RBFOX1: variants seen among roughly 807,000 people sequenced by gnomAD.
The protein encoded by RBFOX1 is RNA binding fox-1 homolog 1, also known as RNA binding protein fox-1 homolog 1.
Under a neutral mutation model 57.7 loss-of-function variants are expected in RBFOX1, and 8 were observed. That is an observed-to-expected ratio of 0.14 (90% CI 0.08 to 0.25). RBFOX1 has a LOEUF of 0.25. Ranked by LOEUF, RBFOX1 falls within the 10% of genes least tolerant of loss-of-function variation. The pLI is 1.00. For synonymous variants in RBFOX1, 326 were observed against 222.4 expected, an observed-to-expected ratio of 1.47 and a Z score of -4.15; for missense variants, 611 against 548.5, an observed-to-expected ratio of 1.11 and a Z score of -1.14.
chr16:7,236,378 A>G (rs2093766345), intron 4 of RBFOX1, among the ~76,000 whole-genome samples: 1 of 152,160 alleles, frequency 6.6e-6, no homozygotes, highest in Admixed American at 6.5e-5. Context: ...TATTTTGTCT[A>G]GAGGGGCGTA....
intron 10 of RBFOX1, among the ~76,000 whole-genome samples, chr16:7,630,176 C>G (rs567503402): frequency 2.5e-4 from 38 of 152,066 alleles, no homozygotes; most frequent in Non-Finnish European, 5.1e-4. Flanking sequence ...TATATTTACC[C>G]CTGTTTTCCA....
chr16:6,817,026 G>A (rs964763123), intron 3 of RBFOX1, among the ~76,000 whole-genome samples: 6 of 152,112 alleles, frequency 3.9e-5, no homozygotes, highest in Non-Finnish European at 2.9e-5. Context: ...GAGATGGCAG[G>A]TGCGAGTCAC....
intron 1 of RBFOX1, among the ~76,000 whole-genome samples, chr16:5,316,709 C>G (rs925028652): frequency 6.6e-5 from 10 of 152,172 alleles, no homozygotes; most frequent in African/African-American, 2.4e-4. Context: ...TATTCTAAAC[C>G]ATTGCATTAA....
intron 1 of RBFOX1, among the ~76,000 whole-genome samples, chr16:5,422,831 GGGAGGAGCAGAGAGAAGGAGGAGAAA>G (rs1454175818): frequency 7.2e-6 from 1 of 139,008 alleles, no homozygotes; most frequent in East Asian, 2.3e-4. Context: ...GGGAGGAGGA[GGGAGGAGCAGAGAGAAGGAGGAGAAA>G]GGAGGAGCAG....
chr16:7,630,422 G>C (rs956712262), intron 10 of RBFOX1, among the ~76,000 whole-genome samples, 181 bp from the exon 11 acceptor site: 2 of 151,934 alleles, frequency 1.3e-5, no homozygotes, highest in African/African-American at 2.4e-5. Context: ...TGTGGTGGGT[G>C]GGGGGGCTTC....
chr16:5,565,837 G>C (rs2046048194), intron 2 of RBFOX1, among the ~76,000 whole-genome samples: 1 of 151,922 alleles, frequency 6.6e-6, no homozygotes, highest in Non-Finnish European at 1.5e-5. Flanking sequence ...AGGGTAGGTG[G>C]GTGATATGGT....
intron 1 of RBFOX1, among the ~76,000 whole-genome samples, chr16:5,344,633 A>G (rs971708345): frequency 6.6e-6 from 1 of 152,170 alleles, no homozygotes; most frequent in Non-Finnish European, 1.5e-5. Context: ...ACATCCTGAC[A>G]GTAGTTTGTG....
chr16:5,980,777 G>A (rs2152309856), intron 4 of RBFOX1, among the ~76,000 whole-genome samples: 2 of 152,240 alleles, frequency 1.3e-5, no homozygotes, highest in Middle Eastern at 6.8e-3. Context: ...TGTGTTTAAT[G>A]CCTCTTAAAT....
At chr16:7,247,359 G>A (rs535320782) in intron 4 of RBFOX1, among the ~76,000 whole-genome samples, 29 of 152,288 alleles carry the variant, frequency 1.9e-4, no homozygotes, top group East Asian at 1.5e-3. Flanking sequence ...CCAACGGGTA[G>A]GAAAGTACAC....
intron 3 of RBFOX1, among the ~76,000 whole-genome samples, chr16:6,989,893 C>G (rs1297946208): frequency 6.6e-6 from 1 of 151,946 alleles, no homozygotes; most frequent in Admixed American, 6.6e-5. Context: ...CCCAGCTACT[C>G]GGGAGTCTGA....
At chr16:6,940,122 G>C (rs1400986182) in intron 3 of RBFOX1, among the ~76,000 whole-genome samples, 2 of 152,112 alleles carry the variant, frequency 1.3e-5, no homozygotes, top group Admixed American at 1.3e-4. Flanking sequence ...AACCCAGGAG[G>C]CGGAGGTTGC....
chr16:7,260,389 A>C (rs2094871666), intron 4 of RBFOX1, among the ~76,000 whole-genome samples: 1 of 152,190 alleles, frequency 6.6e-6, no homozygotes, highest in Non-Finnish European at 1.5e-5. Flanking sequence ...AAGAAAATGA[A>C]AGAAAGAAAC....
chr16:7,311,823 C>T (rs565694653), intron 4 of RBFOX1, among the ~76,000 whole-genome samples: 275 of 152,208 alleles, frequency 1.8e-3, no homozygotes, highest in Non-Finnish European at 1.7e-3. Context: ...TTTTGAAAAA[C>T]GATAGTGTTT....
intron 11 of RBFOX1, among the ~76,000 whole-genome samples, chr16:7,634,388 G>GTT (rs57522849): frequency 0.22 from 31,482 of 141,784 alleles, 3,822 homozygotes; most frequent in African/African-American, 0.35. Context: ...TTTGATGTTT[G>GTT]TTTTTTTTTT....
Position 6,019,924 on chromosome 16 carries a change from A to T in RBFOX1, c.-195A>T. Reference sequence around the variant, plus strand: ...ATGGTGAGTGTGGCTGGGGGTGCAGAGAGCGCACGGGAATTCGGGGGTCTG... The same window carrying T: ...ATGGTGAGTGTGGCTGGGGGTGCAGTGAGCGCACGGGAATTCGGGGGTCTG... On this transcript the variant is annotated 5_prime_UTR_variant, in exon 1 of 16. Coordinates refer to ENST00000550418, the MANE Select transcript of RBFOX1 (RefSeq NM_018723.4). This position sits in a 1 kb window ranked among gnomAD's most constrained non-coding sequence, Gnocchi z 4.2. 1 of 1,534,702 alleles carries T rather than the reference A, an allele frequency of 6.5e-7. No individual in the cohort carries two copies. Among genetic ancestry groups the T allele is most frequent in the Non-Finnish European group, 8.7e-7 (1 of 1,146,342 alleles).
At chr16:6,175,949 AC>A (rs2097003346) in intron 1 of RBFOX1, among the ~76,000 whole-genome samples, 1 of 151,914 alleles carries the variant, frequency 6.6e-6, no homozygotes, top group Non-Finnish European at 1.5e-5. Context: ...TTTGGACTCC[AC>A]CCCCAGATAT....
At chr16:6,044,258 C>A (rs2095472267) in intron 1 of RBFOX1, among the ~76,000 whole-genome samples, 1 of 152,042 alleles carries the variant, frequency 6.6e-6, no homozygotes, top group South Asian at 2.1e-4. Context: ...TGATGTGAAC[C>A]CCGAATCCTA....
intron 3 of RBFOX1, among the ~76,000 whole-genome samples, chr16:5,750,540 G>C (rs1207687374): frequency 6.6e-6 from 1 of 152,192 alleles, no homozygotes; most frequent in Non-Finnish European, 1.5e-5. Context: ...CATCTGCTTT[G>C]TTTACCTACT....
intron 3 of RBFOX1, among the ~76,000 whole-genome samples, chr16:6,681,030 G>T (rs1211129526): frequency 3.9e-5 from 6 of 152,134 alleles, no homozygotes; most frequent in Admixed American, 2.6e-4. Flanking sequence ...ATCTGTTTAG[G>T]CTGGGCATGA....
Sources: allele counts gnomAD v4.1 joint callset (sites outside exome capture counted in the v4.1 genomes callset), GRCh38; gene constraint gnomAD v4.1.1; non-coding constraint Gnocchi (gnomAD v3.1); transcripts MANE v1.5; gene names NCBI Gene and HGNC (gene_info 2026-07-23, HGNC 2026-07-21).